ADARB2: variants seen among roughly 807,000 people sequenced by gnomAD.
ADARB2 encodes inactive double-stranded RNA-specific editase B2.
ADARB2 carries 25 observed loss-of-function variants against 62.2 expected under a neutral mutation model. That is an observed-to-expected ratio of 0.40 (90% CI 0.29 to 0.56). ADARB2 has a LOEUF of 0.56. Ranked by LOEUF, ADARB2 falls within the 20% of genes least tolerant of loss-of-function variation. The probability of loss-of-function intolerance (pLI) is 0.43; values close to 1 mark genes in which losing one functional copy is unlikely to be tolerated. For synonymous variants in ADARB2, 572 were observed against 500.8 expected, an observed-to-expected ratio of 1.14 and a Z score of -1.90; for missense variants, 1,071 against 1,077.4, an observed-to-expected ratio of 0.99 and a Z score of 0.08.
chr10:1,718,427 G>A (rs1218310395), intron 1 of ADARB2, among the ~76,000 whole-genome samples: 2 of 152,216 alleles, frequency 1.3e-5, no homozygotes, highest in African/African-American at 2.4e-5. Context: ...CTGGGAACAC[G>A]GTGGGGAATG....
At chr10:1,434,983 C>T (rs1430676765) in intron 1 of ADARB2, among the ~76,000 whole-genome samples, 2 of 152,238 alleles carry the variant, frequency 1.3e-5, no homozygotes, top group Admixed American at 6.5e-5. Flanking sequence ...CAGCCCAACC[C>T]TCAGTTTGGT....
chr10:1,479,091 G>A (rs1157045810), intron 1 of ADARB2, among the ~76,000 whole-genome samples: 1 of 152,236 alleles, frequency 6.6e-6, no homozygotes, highest in Admixed American at 6.5e-5. Flanking sequence ...GGTTGTGTAT[G>A]TGTGGCCGCA....
intron 1 of ADARB2, among the ~76,000 whole-genome samples, chr10:1,702,886 G>A (rs968926030): frequency 6.6e-6 from 1 of 152,210 alleles, no homozygotes; most frequent in Non-Finnish European, 1.5e-5. Flanking sequence ...TGAACCACTT[G>A]CTACAGTTAT....
chr10:1,672,210 A>G (rs1310852111), intron 1 of ADARB2, among the ~76,000 whole-genome samples: 1 of 152,060 alleles, frequency 6.6e-6, no homozygotes, highest in African/African-American at 2.4e-5. Flanking sequence ...GGCACTGCCA[A>G]CGCCCCGTCT....
intron 1 of ADARB2, among the ~76,000 whole-genome samples, chr10:1,669,898 A>G (rs1301370149): frequency 1.3e-5 from 2 of 151,996 alleles, no homozygotes; most frequent in African/African-American, 2.4e-5. Flanking sequence ...ACCAAGACAA[A>G]CACAGACACA....
intron 3 of ADARB2, among the ~76,000 whole-genome samples, chr10:1,332,479 TTG>T (rs1266410540): frequency 7.6e-5 from 11 of 143,940 alleles, no homozygotes; most frequent in Non-Finnish European, 1.2e-4. Flanking sequence ...AGCATCAGTT[TTG>T]TTTTTTTTTT....
intron 1 of ADARB2, chr10:1,535,461 T>G (rs2676731): frequency 0.46 from 72,603 of 157,942 alleles, 17,119 homozygotes; most frequent in Non-Finnish European, 0.48. Flanking sequence ...GATTTGCTCG[T>G]GCACTTTACG....
intron 1 of ADARB2, among the ~76,000 whole-genome samples, chr10:1,647,328 T>C (rs531716716): frequency 1.3e-5 from 2 of 152,322 alleles, no homozygotes; most frequent in African/African-American, 2.4e-5. Flanking sequence ...AAAGTGTGTG[T>C]GCATATATGT....
intron 2 of ADARB2, among the ~76,000 whole-genome samples, chr10:1,370,122 T>C (rs1832354698): frequency 6.6e-6 from 1 of 152,242 alleles, no homozygotes; most frequent in African/African-American, 2.4e-5. Context: ...GGGGGTTTTA[T>C]TCTAGAGATG....
chr10:1,594,455 C>T (rs1437582162), intron 1 of ADARB2, among the ~76,000 whole-genome samples: 2 of 152,136 alleles, frequency 1.3e-5, no homozygotes, highest in South Asian at 4.1e-4. Flanking sequence ...CACCTCAAGT[C>T]TCCAAGAGCA....
At chr10:1,413,982 C>T (rs1439582102) in intron 1 of ADARB2, among the ~76,000 whole-genome samples, 3 of 152,224 alleles carry the variant, frequency 2.0e-5, no homozygotes, top group African/African-American at 7.2e-5. Context: ...ACAATGTGTG[C>T]TCGCTGGGTG....
At chr10:1,336,536 C>T (rs763467732) in intron 3 of ADARB2, among the ~76,000 whole-genome samples, 20 of 152,046 alleles carry the variant, frequency 1.3e-4, no homozygotes, top group Admixed American at 6.6e-4. Flanking sequence ...TGTACGAGTA[C>T]CACATAGCCA....
rs534619504 is a variant in ADARB2 at position 1,500,071 on chromosome 10, A to T, written c.101-120911T>A. 3.0e-3 allele frequency among the ~76,000 whole-genome samples: 461 copies of T among 152,278 alleles called. 2 individuals carry two copies. The highest frequency in any genetic ancestry group is 5.4e-3 in the Non-Finnish European group (370 of 68,020). ...TTATTAGGTATCACTTGCTTTGTGA[A>T]TTTTTTGTATAGTTCTACACAGAAA... On this transcript the variant is annotated intron_variant, in intron 1 of 9. Transcript: ENST00000381312.
intron 4 of ADARB2, among the ~76,000 whole-genome samples, chr10:1,260,330 G>A (rs955989220): frequency 7.2e-5 from 11 of 152,238 alleles, no homozygotes; most frequent in Admixed American, 7.2e-4. Flanking sequence ...GGAAATAAAG[G>A]GCATTCAGTT....
chr10:1,525,426 T>C (rs1832127977), intron 1 of ADARB2, among the ~76,000 whole-genome samples: 1 of 152,202 alleles, frequency 6.6e-6, no homozygotes, highest in Non-Finnish European at 1.5e-5. Context: ...TATTCCACAT[T>C]CTTCTCTAAT....
At chr10:1,193,467 T>G (rs1039747392) in intron 8 of ADARB2, among the ~76,000 whole-genome samples, 7 of 152,230 alleles carry the variant, frequency 4.6e-5, no homozygotes, top group Admixed American at 4.6e-4. Context: ...ATGGGGTCTT[T>G]TGCTGTTCCA....
At chr10:1,678,997 C>T (rs982079352) in intron 1 of ADARB2, among the ~76,000 whole-genome samples, 15 of 152,206 alleles carry the variant, frequency 9.9e-5, no homozygotes, top group African/African-American at 2.4e-4. Context: ...CAGACATGAG[C>T]GAGTGAGTTC....
At chr10:1,317,532 T>G (rs1831749980) in intron 3 of ADARB2, among the ~76,000 whole-genome samples, 1 of 152,172 alleles carries the variant, frequency 6.6e-6, no homozygotes, top group African/African-American at 2.4e-5. Context: ...GGGAGAGTCT[T>G]ATATAAACAA....
intron 1 of ADARB2, among the ~76,000 whole-genome samples, chr10:1,573,705 G>GT (rs1832970658): frequency 6.6e-6 from 1 of 152,162 alleles, no homozygotes; most frequent in African/African-American, 2.4e-5. Context: ...TCGTTATGAG[G>GT]TTTTCCATGC....
Sources: gnomAD v4.1 joint callset for allele counts (sites outside exome capture counted in the v4.1 genomes callset) on GRCh38, gnomAD v4.1.1 for gene constraint, MANE v1.5 for transcripts, NCBI Gene and HGNC (gene_info 2026-07-23, HGNC 2026-07-21) for gene names.